The following EFEMP1 variants were observed in gnomAD, a reference collection of about 807,000 sequenced individuals.
EFEMP1 encodes the protein EGF-containing fibulin-like extracellular matrix protein 1.
Under a neutral mutation model 65.7 loss-of-function variants are expected in EFEMP1, and 18 were observed. The observed-to-expected ratio is 0.27, with a 90% CI of 0.19 to 0.41. The LOEUF (loss-of-function observed/expected upper bound fraction) is 0.41. EFEMP1 is among the 10% of genes least tolerant of loss of function. The pLI is 1.00. For missense variants in EFEMP1, 469 were observed against 624.8 expected (o/e 0.75, Z 2.66); for synonymous variants, 237 against 219.7 (o/e 1.08, Z -0.70).
rs141301585 is a variant in EFEMP1, at chr2:55,919,856, T to A, written c.82-1589A>T. ...TTCCAACTTTAACATCAGTGCTGAA[T>A]GCTCCACTTATTTTCCTTCCATCTC... is the stretch of plus-strand genomic sequence containing the variant. On this transcript the variant is annotated intron_variant, in intron 3 of 11. Coordinates refer to ENST00000355426, the MANE Select transcript of EFEMP1 (RefSeq NM_001039348.3). This position sits in a 1 kb window ranked among gnomAD's most constrained non-coding sequence, Gnocchi z 4.5. Among the ~76,000 whole-genome samples, 66 of 152,318 alleles carry A rather than the reference T, an allele frequency of 4.3e-4. 2 individuals are homozygous for A. The East Asian group carries it at 0.013, about 29-fold the overall frequency.
chr2:55,876,764 A>G, intron 7 of EFEMP1, 22 bp from the exon 8 acceptor site: 1 of 1,382,908 alleles, frequency 7.2e-7, no homozygotes, highest in South Asian at 1.3e-5. Context: ...TTTTATATAT[A>G]TATATATGTA....
At chr2:55,874,809 G>C (rs1379060927) in intron 9 of EFEMP1, 137 bp downstream of exon 9, 1 of 874,792 alleles carries the variant, frequency 1.1e-6, no homozygotes, top group Non-Finnish European at 1.6e-6. Flanking sequence ...ATTTTATGAT[G>C]AACAGGGGAA....
rs1671001199 is a variant in EFEMP1 at position 55,923,715 on chromosome 2, G to A, written c.-53C>T. 1 of 985,596 alleles carries A rather than the reference G, an allele frequency of 1.0e-6. No homozygotes were observed. The highest frequency in any genetic ancestry group is 6.1e-5 in the Admixed American group (1 of 16,272). 61.1% of individuals were successfully genotyped at this position (985,596 alleles called of 1,614,324 possible). ...CCCCCCGTTGGGGGCTCCTACCTGTGCGGCCGCGCTGCGCTCCGGGCCCGG... is the reference window on the plus strand; with the variant it reads ...CCCCCCGTTGGGGGCTCCTACCTGTACGGCCGCGCTGCGCTCCGGGCCCGG... On this transcript the variant is annotated 5_prime_UTR_variant, in exon 1 of 12. Coordinates refer to ENST00000355426, the MANE Select transcript of EFEMP1 (RefSeq NM_001039348.3). The surrounding 1 kb of genome is among the most constrained non-coding windows in gnomAD (Gnocchi z 5.3).
intron 5 of EFEMP1, among the ~76,000 whole-genome samples, chr2:55,888,947 T>C (rs1669531570): frequency 6.6e-6 from 1 of 152,112 alleles, no homozygotes; most frequent in African/African-American, 2.4e-5. Context: ...ATCTCTCCTC[T>C]CCTCTATCTC....
Position 55,901,292 on chromosome 2 carries a change from C to A in EFEMP1, c.517+16373G>T, listed in dbSNP as rs192447885. ...AAGCATGTGAGTACATGTTAATCAG[C>A]AATAAAGAGTTTTTATGCTTGTCCT... On this transcript the variant is annotated intron_variant, in intron 5 of 11. Transcript: ENST00000355426. Among the ~76,000 whole-genome samples the A allele has an allele frequency of 7.0e-3, 1,066 of 152,260 alleles. 14 individuals carry two copies. The highest frequency in any genetic ancestry group is 0.024 in the African/African-American group (1,004 of 41,540).
At chr2:55,903,441 C>T (rs1670120250) in intron 5 of EFEMP1, among the ~76,000 whole-genome samples, 1 of 152,176 alleles carries the variant, frequency 6.6e-6, no homozygotes, top group Admixed American at 6.5e-5. Flanking sequence ...AGGAAGGATA[C>T]TGTCAGCTAC....
At position 55,923,270 on chromosome 2, in the gene EFEMP1, G is replaced by T. The variant is rs372631821; in HGVS notation, c.-48-331C>A. 6.6e-6 allele frequency among the ~76,000 whole-genome samples: 1 copy of T among 152,148 alleles called. No individual in the cohort carries two copies. Among genetic ancestry groups the T allele is most frequent in the African/African-American group, 2.4e-5 (1 of 41,444 alleles). On this transcript the variant is annotated intron_variant, in intron 1 of 11. Coordinates refer to ENST00000355426, the MANE Select transcript of EFEMP1 (RefSeq NM_001039348.3). This position sits in a 1 kb window ranked among gnomAD's most constrained non-coding sequence, Gnocchi z 5.3. ...ACCAGGGATCGCACCGCAGCCCAAG[G>T]TACCAGTTTCGGGCGGGCGGCCTGG... is the stretch of plus-strand genomic sequence containing the variant.
chr2:55,869,670 A>G (rs1483380018), intron 11 of EFEMP1, among the ~76,000 whole-genome samples: 1 of 152,196 alleles, frequency 6.6e-6, no homozygotes, highest in Non-Finnish European at 1.5e-5. Context: ...AATTTAATTC[A>G]TATTCTCAAA....
intron 5 of EFEMP1, among the ~76,000 whole-genome samples, chr2:55,910,367 G>A (rs1455465573): frequency 6.6e-6 from 1 of 152,126 alleles, no homozygotes; most frequent in Admixed American, 6.5e-5. Context: ...CCTGGAAAAA[G>A]CAACATGCTA....
At chr2:55,880,160 G>C (rs996493682) in intron 6 of EFEMP1, among the ~76,000 whole-genome samples, 6 of 152,146 alleles carry the variant, frequency 3.9e-5, no homozygotes, top group Admixed American at 1.3e-4. Context: ...TTATGCAACA[G>C]AACTGGACAA....
rs1370105934 is a variant in EFEMP1 at position 55,923,404 on chromosome 2, G to A, written c.-49+307C>T. Among the ~76,000 whole-genome samples, 1 of 152,138 alleles carries A rather than the reference G, an allele frequency of 6.6e-6. No homozygotes were observed. The highest frequency in any genetic ancestry group is 1.5e-5 in the Non-Finnish European group (1 of 68,022). On this transcript the variant is annotated intron_variant, in intron 1 of 11. Transcript: ENST00000355426. This position sits in a 1 kb window ranked among gnomAD's most constrained non-coding sequence, Gnocchi z 5.3. ...CCAGCTCCTATGGAATCCAGGTGCG[G>A]CTTAAATCTCGCACACTGGTCCCCT...
At position 55,917,185 on chromosome 2, in the gene EFEMP1, C is replaced by T. The variant is rs1323917559; in HGVS notation, c.517+480G>A. Among the ~76,000 whole-genome samples the T allele has an allele frequency of 6.6e-6, 1 of 152,140 alleles. No homozygotes were observed. Among genetic ancestry groups the T allele is most frequent in the East Asian group, 1.9e-4 (1 of 5,196 alleles). ...GCTTGACAGCATAATTTCAAATTCC[C>T]AGTGAATAACCTGATGGTGACTTTT... On this transcript the variant is annotated intron_variant, in intron 5 of 11. Coordinates refer to ENST00000355426, the MANE Select transcript of EFEMP1 (RefSeq NM_001039348.3). This position sits in a 1 kb window ranked among gnomAD's most constrained non-coding sequence, Gnocchi z 6.3.
Position 55,915,521 on chromosome 2 carries a change from A to T in EFEMP1, c.517+2144T>A, listed in dbSNP as rs75383052. On this transcript the variant is annotated intron_variant, in intron 5 of 11. Coordinates refer to ENST00000355426, the MANE Select transcript of EFEMP1 (RefSeq NM_001039348.3). Reference sequence around the variant, plus strand: ...ATGTTGTAAGTCTTGAATATATTTTATTCTAGGACCTCTTCATTTAGTTCT... The same window carrying T: ...ATGTTGTAAGTCTTGAATATATTTTTTTCTAGGACCTCTTCATTTAGTTCT... 2.5e-3 allele frequency among the ~76,000 whole-genome samples: 385 copies of T among 152,306 alleles called. 4 individuals are homozygous for T. The highest frequency in any genetic ancestry group is 8.9e-3 in the African/African-American group (369 of 41,584).
intron 5 of EFEMP1, among the ~76,000 whole-genome samples, chr2:55,909,471 T>C (rs1231913325): frequency 6.6e-6 from 1 of 152,150 alleles, no homozygotes; most frequent in East Asian, 1.9e-4. Flanking sequence ...TCTGGGGACC[T>C]CTCCTGGGAA....
intron 5 of EFEMP1, among the ~76,000 whole-genome samples, chr2:55,890,229 TA>T (rs1395931206): frequency 1.3e-5 from 2 of 151,894 alleles, no homozygotes; most frequent in African/African-American, 2.4e-5. Flanking sequence ...ATTAGAGAAT[TA>T]AAAAAATACT....
rs1668766935 is a variant in EFEMP1 at position 55,870,609 on chromosome 2, TA to T, written c.1320+110del. On this transcript the variant is annotated intron_variant, in intron 11 of 11. Transcript: ENST00000355426. The surrounding 1 kb of genome is among the most constrained non-coding windows in gnomAD (Gnocchi z 5.8). The stretch of plus-strand genomic sequence containing the variant: ...CACAATGCCTACACATAAGACACTT[TA>T]AATGTTTGCTTTCCTTCCACATGTG... 7 of 1,357,710 alleles carry T rather than the reference TA, an allele frequency of 5.2e-6. No individual in the cohort carries two copies. The highest frequency in any genetic ancestry group is 7.3e-6 in the Non-Finnish European group (7 of 961,668). The allele number at this position is 1,357,710 out of a possible 1,614,324, so 84.1% of individuals were successfully genotyped here.
In EFEMP1 at chr2:55,919,434, C is replaced by G. The variant is rs1001287611; in HGVS notation, c.82-1167G>C. On this transcript the variant is annotated intron_variant, in intron 3 of 11. Transcript: ENST00000355426. The surrounding 1 kb of genome is among the most constrained non-coding windows in gnomAD (Gnocchi z 4.5). ...CTAAATTCTTAGCAAGTATCCCAGG[C>G]GATTCCCATACAGGTTGTCTAGGAA... 2.0e-5 allele frequency among the ~76,000 whole-genome samples: 3 copies of G among 152,258 alleles called. No individual in the cohort carries two copies. Among genetic ancestry groups the G allele is most frequent in the African/African-American group, 7.2e-5 (3 of 41,536 alleles).
chr2:55,890,017 T>C (rs1483845281), intron 5 of EFEMP1, among the ~76,000 whole-genome samples: 9 of 151,974 alleles, frequency 5.9e-5, no homozygotes. Context: ...ATGGACTAAA[T>C]GCACTCACTA....
rs1670924956 is a variant in EFEMP1, at chr2:55,922,082, ACTTT to A, written c.81+274_81+277del. ...TTGTTGAATGTTTTGGAAACATGTA[ACTTT>A]CTTTGGTTTTAGTTTTTGAACGGAT... is the stretch of plus-strand genomic sequence containing the variant. On this transcript the variant is annotated intron_variant, in intron 3 of 11. Transcript: ENST00000355426. The surrounding 1 kb of genome is among the most constrained non-coding windows in gnomAD (Gnocchi z 5.5). The A allele has an allele frequency of 4.9e-6, 2 of 407,908 alleles. No individual in the cohort carries two copies. Among genetic ancestry groups the A allele is most frequent in the South Asian group, 4.3e-5 (2 of 46,822 alleles). 25.3% of individuals were successfully genotyped at this position (407,908 alleles called of 1,614,324 possible).
Sources: gnomAD v4.1 joint callset for allele counts (sites outside exome capture counted in the v4.1 genomes callset) on GRCh38, gnomAD v4.1.1 for gene constraint, Gnocchi (gnomAD v3.1) non-coding constraint, MANE v1.5 for transcripts, NCBI Gene and HGNC (gene_info 2026-07-23, HGNC 2026-07-21) for gene names.